The following ETV5 variants were observed in gnomAD, a reference collection of about 807,000 sequenced individuals.
ETV5 encodes the protein ETS variant transcription factor 5.
A neutral mutation model predicts 70.0 loss-of-function variants in ETV5; 10 were observed. That is an observed-to-expected ratio of 0.14 (90% CI 0.09 to 0.24). The LOEUF is 0.24. ETV5 is among the 10% of genes least tolerant of loss of function. The pLI is 1.00. For synonymous variants in ETV5, 216 were observed against 242.2 expected (o/e 0.89, Z 1.01); for missense variants, 453 against 651.2 (o/e 0.70, Z 3.31).
intron 11 of ETV5, among the ~76,000 whole-genome samples, chr3:186,055,974 T>C (rs1287253064): frequency 1.3e-5 from 2 of 152,246 alleles, no homozygotes; most frequent in African/African-American, 4.8e-5. Flanking sequence ...GAAGCGTATG[T>C]CAGTTTTTTT....
At chr3:186,086,050 T>C (rs911007475) in intron 5 of ETV5, among the ~76,000 whole-genome samples, 1 of 152,156 alleles carries the variant, frequency 6.6e-6, no homozygotes, top group African/African-American at 2.4e-5. Context: ...GACAATTGTC[T>C]TACTACCACC....
chr3:186,085,549 C>T (rs1249526804), intron 5 of ETV5, among the ~76,000 whole-genome samples: 4 of 145,362 alleles, frequency 2.8e-5, no homozygotes, highest in Non-Finnish European at 5.9e-5. Flanking sequence ...GCCCTTGTTG[C>T]CCAGGCTGGA....
At chr3:186,078,199 T>G in intron 7 of ETV5, 19 of 1,051,602 alleles carry the variant, frequency 1.8e-5, no homozygotes, top group Non-Finnish European at 1.8e-5. Flanking sequence ...GTTAATACAG[T>G]ATGTTACATA....
chr3:186,063,268 T>C (rs563092026), intron 9 of ETV5, among the ~76,000 whole-genome samples: 1 of 152,202 alleles, frequency 6.6e-6, no homozygotes, highest in African/African-American at 2.4e-5. Flanking sequence ...AGACTCCGTC[T>C]CAACAACAAC....
intron 7 of ETV5, among the ~76,000 whole-genome samples, chr3:186,075,247 C>T (rs1302796859): frequency 6.6e-6 from 1 of 152,204 alleles, no homozygotes; most frequent in Non-Finnish European, 1.5e-5. Flanking sequence ...AGTTTCAGAT[C>T]CCAAAGTGAA....
chr3:186,051,309 A>C (rs1396450807), intron 12 of ETV5, among the ~76,000 whole-genome samples: 1 of 152,234 alleles, frequency 6.6e-6, no homozygotes, highest in Non-Finnish European at 1.5e-5. Flanking sequence ...AGACTGGCTC[A>C]ATGTGTAAAT....
intron 7 of ETV5, among the ~76,000 whole-genome samples, chr3:186,072,846 T>A (rs79555375): frequency 2.5e-3 from 376 of 152,278 alleles, no homozygotes; most frequent in Admixed American, 4.4e-3. Context: ...ATAACATTAA[T>A]AACTTTGGCT....
In ETV5 at chr3:186,046,520, C is replaced by T. The variant is rs906425770; in HGVS notation, c.*2119G>A. ...ACCCCCGAAAAAAACAAAAACCATC[C>T]GGGAGGTGCATGAGTCCAATGGGAA... On this transcript the variant is annotated 3_prime_UTR_variant, in exon 13 of 13. Coordinates refer to ENST00000306376, the MANE Select transcript of ETV5 (RefSeq NM_004454.3). 6.9e-5 allele frequency: 16 copies of T among 231,984 alleles called. No individual in the cohort carries two copies. The highest frequency in any genetic ancestry group is 4.9e-4 in the East Asian group (8 of 16,408). 14.4% of individuals were successfully genotyped at this position (231,984 alleles called of 1,614,324 possible). A position where few individuals can be genotyped will look rare whatever the true frequency, so the allele number is the denominator to read the frequency against.
intron 5 of ETV5, among the ~76,000 whole-genome samples, chr3:186,098,964 C>T (rs1714381370): frequency 6.6e-6 from 1 of 152,092 alleles, no homozygotes; most frequent in African/African-American, 2.4e-5. Context: ...TTCAGATCAG[C>T]CTCAAACTCC....
At chr3:186,048,883 C>T (rs1399652955) in intron 12 of ETV5, 23 bp from the exon 13 acceptor site, 2 of 1,598,650 alleles carry the variant, frequency 1.3e-6, no homozygotes, top group Non-Finnish European at 1.7e-6. Context: ...ACACACCTTA[C>T]AGGGCCCAGT....
chr3:186,073,159 A>G (rs1346373212), intron 7 of ETV5, among the ~76,000 whole-genome samples: 2 of 152,196 alleles, frequency 1.3e-5, no homozygotes, highest in Admixed American at 1.3e-4. Context: ...AACAAAAAAT[A>G]TTAGTGTGAT....
intron 7 of ETV5, chr3:186,079,020 G>T: frequency 9.4e-7 from 1 of 1,058,992 alleles, no homozygotes; most frequent in Non-Finnish European, 1.1e-6. Context: ...AAGATAGATA[G>T]ATATGAAATA....
At chr3:186,062,347 T>C (rs533632744) in intron 9 of ETV5, among the ~76,000 whole-genome samples, 5 of 152,290 alleles carry the variant, frequency 3.3e-5, no homozygotes, top group Middle Eastern at 3.4e-3. Context: ...TCGGTTTCAT[T>C]ACCCTATGGG....
chr3:186,108,668 C>A (rs996615169), intron 1 of ETV5: 6 of 1,156,992 alleles, frequency 5.2e-6, no homozygotes, highest in Non-Finnish European at 6.5e-6. Flanking sequence ...CCCCCGCACT[C>A]GCGCTCCGGG....
In ETV5 at chr3:186,105,551, G is replaced by A; in HGVS notation, c.134-55C>T. The A allele has an allele frequency of 3.1e-6, 5 of 1,611,866 alleles. No individual in the cohort carries two copies. Among genetic ancestry groups the A allele is most frequent in the South Asian group, 1.1e-5 (1 of 90,992 alleles). ...AGGATATTTCTTTCGCTAGGGAGAAGACAGGGAAGAATCTACACGCTACTG... is the reference window on the plus strand; with the variant it reads ...AGGATATTTCTTTCGCTAGGGAGAAAACAGGGAAGAATCTACACGCTACTG... On this transcript the variant is annotated intron_variant, in intron 3 of 12. Coordinates refer to ENST00000306376, the MANE Select transcript of ETV5 (RefSeq NM_004454.3). The surrounding 1 kb of genome is among the most constrained non-coding windows in gnomAD (Gnocchi z 4.5).
intron 5 of ETV5, among the ~76,000 whole-genome samples, chr3:186,093,803 G>A (rs530025382): frequency 6.6e-6 from 1 of 152,290 alleles, no homozygotes; most frequent in East Asian, 1.9e-4. Flanking sequence ...GGACAGACAG[G>A]GGGAAAGATG....
chr3:186,071,480 C>G (rs1713632322), intron 7 of ETV5, among the ~76,000 whole-genome samples: 1 of 152,168 alleles, frequency 6.6e-6, no homozygotes, highest in African/African-American at 2.4e-5. Context: ...AGTTATCTAA[C>G]CGCTCTGAAG....
intron 7 of ETV5, among the ~76,000 whole-genome samples, chr3:186,072,752 T>C (rs77839184): frequency 0.041 from 6,255 of 152,292 alleles, 172 homozygotes; most frequent in African/African-American, 0.07. Flanking sequence ...GTCTGACTTC[T>C]CAAGATCAAA....
At chr3:186,059,481 T>A (rs1483295451) in intron 9 of ETV5, among the ~76,000 whole-genome samples, 1 of 152,174 alleles carries the variant, frequency 6.6e-6, no homozygotes, top group African/African-American at 2.4e-5. Context: ...AGCTGTGCGA[T>A]CTTGAATAAA....
Sources: gnomAD v4.1 joint callset for allele counts (sites outside exome capture counted in the v4.1 genomes callset) on GRCh38, gnomAD v4.1.1 for gene constraint, Gnocchi (gnomAD v3.1) non-coding constraint, MANE v1.5 for transcripts, NCBI Gene and HGNC (gene_info 2026-07-23, HGNC 2026-07-21) for gene names.